The following CNOT10 variants were observed in gnomAD, a reference collection of about 807,000 sequenced individuals.
The protein encoded by CNOT10 is CCR4-NOT transcription complex subunit 10, also known as CCR4-NOT transcription complex, subunit 10.
In CNOT10, 30 loss-of-function variants were observed where a neutral mutation model predicts 94.6. The ratio of observed to expected loss-of-function variants is 0.32; its 90% CI spans 0.24 to 0.43. CNOT10 has a LOEUF of 0.43. CNOT10 is among the 20% of genes least tolerant of loss of function. CNOT10 has a pLI of 1.00. For synonymous variants in CNOT10, 289 were observed against 301.6 expected, an observed-to-expected ratio of 0.96 and a Z score of 0.43; for missense variants, 759 against 877.2, an observed-to-expected ratio of 0.87 and a Z score of 1.70.
At chr3:32,687,042 CT>C (rs1195583996) in intron 1 of CNOT10, among the ~76,000 whole-genome samples, 1 of 152,064 alleles carries the variant, frequency 6.6e-6, no homozygotes, top group East Asian at 1.9e-4. Flanking sequence ...GATTAGGGGA[CT>C]GTTTTTTTCA....
At chr3:32,694,340 T>C (rs1290850699) in intron 1 of CNOT10, among the ~76,000 whole-genome samples, 1 of 152,156 alleles carries the variant, frequency 6.6e-6, no homozygotes, top group East Asian at 1.9e-4. Context: ...CCTTTAAAAT[T>C]AGACCTCCAA....
intron 13 of CNOT10, among the ~76,000 whole-genome samples, chr3:32,748,968 T>C (rs12715212): frequency 0.21 from 32,651 of 151,894 alleles, 4,557 homozygotes; most frequent in African/African-American, 0.39. Flanking sequence ...ATTACAGACA[T>C]GCATAACCAC....
At chr3:32,746,605 G>A (rs550088367) in intron 13 of CNOT10, among the ~76,000 whole-genome samples, 4 of 152,266 alleles carry the variant, frequency 2.6e-5, no homozygotes, top group Admixed American at 6.5e-5. Context: ...GGGAGGCCGA[G>A]GTGGGCAGAT....
Position 32,773,738 on chromosome 3 carries a change from C to G in CNOT10, c.*127C>G. ...AATTTTGAGTCAATTCTACCCCTGACATTTGGCCAAAAGCTTACTTAAAAT... is the reference window on the plus strand; with the variant it reads ...AATTTTGAGTCAATTCTACCCCTGAGATTTGGCCAAAAGCTTACTTAAAAT... On this transcript the variant is annotated 3_prime_UTR_variant, in exon 19 of 19. Coordinates refer to ENST00000328834, the MANE Select transcript of CNOT10 (RefSeq NM_015442.3). 1.0e-6 allele frequency: 1 copy of G among 998,564 alleles called. No homozygotes were observed. The highest frequency in any genetic ancestry group is 1.4e-6 in the Non-Finnish European group (1 of 712,506). 61.9% of individuals were successfully genotyped at this position (998,564 alleles called of 1,614,324 possible). A position where few individuals can be genotyped will look rare whatever the true frequency, so the allele number is the denominator to read the frequency against.
chr3:32,685,545 C>T (rs1458405882), intron 1 of CNOT10, 63 bp downstream of exon 1: 1 of 1,539,734 alleles, frequency 6.5e-7, no homozygotes, highest in Non-Finnish European at 8.8e-7. Context: ...GGACCCTGAA[C>T]TCGGAGGCGG....
intron 18 of CNOT10, among the ~76,000 whole-genome samples, chr3:32,771,430 A>G (rs1383122629): frequency 6.6e-6 from 1 of 152,110 alleles, no homozygotes; most frequent in African/African-American, 2.4e-5. Context: ...GTAAAACCCC[A>G]TCTTTACTGA....
chr3:32,729,805 G>A (rs1698856158), intron 10 of CNOT10, among the ~76,000 whole-genome samples: 1 of 108,492 alleles, frequency 9.2e-6, no homozygotes, highest in Admixed American at 1.5e-4. Context: ...GTCTCGCCCT[G>A]TCGCCCAGGC....
At chr3:32,749,630 G>A (rs977346786) in intron 13 of CNOT10, among the ~76,000 whole-genome samples, 2 of 151,776 alleles carry the variant, frequency 1.3e-5, no homozygotes, top group African/African-American at 2.4e-5. Flanking sequence ...TGCTGGTCTC[G>A]AACACCCAAC....
chr3:32,758,639 G>T (rs566705818), intron 13 of CNOT10, among the ~76,000 whole-genome samples: 1 of 152,302 alleles, frequency 6.6e-6, no homozygotes, highest in East Asian at 1.9e-4. Flanking sequence ...TAGCCATTCA[G>T]ACTTCATTTC....
rs1320452084 is a variant in CNOT10, at chr3:32,695,879, CTG to C, written c.23-7988_23-7987del. 5.7e-6 allele frequency: 8 copies of C among 1,415,004 alleles called. No homozygotes were observed. The East Asian group carries it at 2.0e-4, about 35-fold the overall frequency. 87.7% of individuals were successfully genotyped at this position (1,415,004 alleles called of 1,614,324 possible). ...AAATGTTTTTAAAACATTAAAAAAA[CTG>C]ATTACAAAAATGAATACCCATTTCT... On this transcript the variant is annotated intron_variant, in intron 1 of 18. Coordinates refer to ENST00000328834, the MANE Select transcript of CNOT10 (RefSeq NM_015442.3).
intron 4 of CNOT10, 28 bp from the exon 5 acceptor site, chr3:32,713,199 A>C (rs1293126172): frequency 6.4e-7 from 1 of 1,552,452 alleles, no homozygotes; most frequent in African/African-American, 1.4e-5. Context: ...GGTTGTGACT[A>C]TTCTTTTCTG....
intron 3 of CNOT10, among the ~76,000 whole-genome samples, chr3:32,705,206 A>C (rs1300267824): frequency 6.6e-6 from 1 of 152,136 alleles, no homozygotes; most frequent in African/African-American, 2.4e-5. Context: ...TAATATACCA[A>C]ATTTGAATGA....
chr3:32,754,213 C>T (rs1261999045), intron 13 of CNOT10, among the ~76,000 whole-genome samples: 1 of 151,680 alleles, frequency 6.6e-6, no homozygotes. Context: ...TGCAGTGGCT[C>T]ACGCCTGTAA....
chr3:32,695,352 A>G (rs1163604998), intron 1 of CNOT10, among the ~76,000 whole-genome samples: 1 of 151,984 alleles, frequency 6.6e-6, no homozygotes, highest in East Asian at 1.9e-4. Context: ...TTCCTTCACA[A>G]GGGCATCATT....
chr3:32,756,731 A>C (rs1252087490), intron 13 of CNOT10, among the ~76,000 whole-genome samples: 1 of 152,224 alleles, frequency 6.6e-6, no homozygotes, highest in Non-Finnish European at 1.5e-5. Flanking sequence ...ATATTGCTCT[A>C]GTCTGTGTAG....
At chr3:32,750,194 A>G (rs1309651974) in intron 13 of CNOT10, among the ~76,000 whole-genome samples, 1 of 152,038 alleles carries the variant, frequency 6.6e-6, no homozygotes, top group Admixed American at 6.6e-5. Flanking sequence ...AGAGCTAGAC[A>G]CTGTGTCAAA....
intron 1 of CNOT10, 126 bp downstream of exon 1, chr3:32,685,608 T>C: frequency 9.7e-7 from 1 of 1,035,908 alleles, no homozygotes; most frequent in Non-Finnish European, 1.4e-6. Flanking sequence ...GTGCATTTCT[T>C]TACCCCATCC....
intron 1 of CNOT10, among the ~76,000 whole-genome samples, chr3:32,703,078 A>ATTT (rs67920905): frequency 2.7e-4 from 34 of 124,218 alleles, no homozygotes; most frequent in Admixed American, 6.2e-4. Context: ...CGCCAAGCTA[A>ATTT]TTTTTTTTTT....
At position 32,704,822 on chromosome 3, in the gene CNOT10, T is replaced by C; in HGVS notation, c.129T>C (p.Tyr43=). The change falls in exon 3 of 19, where the codon TAT becomes TAC. Residue 43 remains tyrosine, a synonymous_variant. Transcript: ENST00000328834. ...TTTTTTTTTTTTAGTCTGGAAATTATGATGCCTGTCTACAACACCTTGCCT... is the reference window on the plus strand; with the variant it reads ...TTTTTTTTTTTTAGTCTGGAAATTACGATGCCTGTCTACAACACCTTGCCT... ...NAFQAFTSGN[Y]DACLQHLACL... is the part of the protein sequence containing the mutation. The C allele has an allele frequency of 2.6e-6, 4 of 1,562,260 alleles. No individual in the cohort carries two copies. Among genetic ancestry groups the C allele is most frequent in the Non-Finnish European group, 2.6e-6 (3 of 1,164,728 alleles).
Sources: allele counts gnomAD v4.1 joint callset (sites outside exome capture counted in the v4.1 genomes callset), GRCh38; gene constraint gnomAD v4.1.1; transcripts MANE v1.5; gene names NCBI Gene and HGNC (gene_info 2026-07-23, HGNC 2026-07-21).